Variants in EPC2 observed in about 807,000 individuals in gnomAD.
EPC2 encodes enhancer of polycomb homolog 2.
A neutral mutation model predicts 92.1 loss-of-function variants in EPC2; 14 were observed. That is an observed-to-expected ratio of 0.15 (90% CI 0.10 to 0.24). The LOEUF (loss-of-function observed/expected upper bound fraction) is 0.24. Among genes scored for constraint, EPC2 ranks in the 10% least tolerant of loss-of-function variants. EPC2 has a pLI of 1.00. For missense variants in EPC2, 755 were observed against 971.5 expected (o/e 0.78, Z 2.96); for synonymous variants, 340 against 334.7 (o/e 1.02, Z -0.17).
Position 148,754,476 on chromosome 2 carries a change from A to C in EPC2, c.666+343A>C, listed in dbSNP as rs1414336053. 2.0e-5 allele frequency among the ~76,000 whole-genome samples: 3 copies of C among 152,258 alleles called. No homozygotes were observed. The East Asian group carries it at 5.8e-4, about 29-fold the overall frequency. On this transcript the variant is annotated intron_variant, in intron 4 of 13. Transcript: ENST00000258484. The stretch of plus-strand genomic sequence containing the variant: ...GTCCTTATGCACCTTGGAAGTTTTG[A>C]TCTCTTCAGTAAACTAAATATTCTA...
chr2:148,715,959 C>A (rs1169366307), intron 2 of EPC2, among the ~76,000 whole-genome samples: 1 of 152,074 alleles, frequency 6.6e-6, no homozygotes, highest in African/African-American at 2.4e-5. Flanking sequence ...AGCTGTATTT[C>A]CAGGTATTTT....
At position 148,726,487 on chromosome 2, in the gene EPC2, G is replaced by GAT. The variant is rs926870616; in HGVS notation, c.314-17133_314-17132dup. Among the ~76,000 whole-genome samples, 27 of 152,194 alleles carry GAT rather than the reference G, an allele frequency of 1.8e-4. 1 individual carries two copies. The highest frequency in any genetic ancestry group is 6.3e-4 in the African/African-American group (26 of 41,558). On this transcript the variant is annotated intron_variant, in intron 2 of 13. Transcript: ENST00000258484. ...AACATGTGTAATTTTCTGTTAGTTT[G>GAT]ATAGTGGCCATCCTAACAGGTAGGA...
At chr2:148,700,385 G>C (rs1681847481) in intron 2 of EPC2, among the ~76,000 whole-genome samples, 1 of 151,726 alleles carries the variant, frequency 6.6e-6, no homozygotes, top group Non-Finnish European at 1.5e-5. Context: ...GATCCATTTT[G>C]AGTTAATTTT....
intron 11 of EPC2, among the ~76,000 whole-genome samples, chr2:148,783,237 G>C (rs1266342349): frequency 6.6e-6 from 1 of 152,144 alleles, no homozygotes; most frequent in Non-Finnish European, 1.5e-5. Context: ...GGCCAAGATA[G>C]GTTTTCACAT....
chr2:148,714,973 AT>A (rs1268843541), intron 2 of EPC2, among the ~76,000 whole-genome samples: 1 of 149,074 alleles, frequency 6.7e-6, no homozygotes, highest in Non-Finnish European at 1.5e-5. Context: ...TTGTCATGAA[AT>A]CTTCGCCCAT....
intron 2 of EPC2, among the ~76,000 whole-genome samples, chr2:148,690,896 C>T (rs764697034): frequency 6.6e-6 from 1 of 152,204 alleles, no homozygotes; most frequent in Non-Finnish European, 1.5e-5. Flanking sequence ...CTCCTGACCT[C>T]AGTTGATCCA....
chr2:148,664,791 A>C (rs1450125581), intron 1 of EPC2, among the ~76,000 whole-genome samples: 1 of 152,166 alleles, frequency 6.6e-6, no homozygotes, highest in East Asian at 1.9e-4. Flanking sequence ...TTTGTTTTAG[A>C]TTAATACATA....
intron 1 of EPC2, among the ~76,000 whole-genome samples, chr2:148,649,274 T>C (rs540561451): frequency 6.6e-6 from 1 of 152,322 alleles, no homozygotes; most frequent in Admixed American, 6.5e-5. Flanking sequence ...GACAAATGCA[T>C]ACAAACATGA....
chr2:148,721,328 GT>G (rs201992446), intron 2 of EPC2, among the ~76,000 whole-genome samples: 3,953 of 145,256 alleles, frequency 0.027, 59 homozygotes, highest in East Asian at 0.033. Context: ...AGGTTGTTGG[GT>G]TTTTTTTTTT....
chr2:148,775,647 ATCT>A (rs374251043), intron 10 of EPC2, among the ~76,000 whole-genome samples: 6 of 2,126 alleles, frequency 2.8e-3, no homozygotes, highest in Non-Finnish European at 8.2e-3. Context: ...ATTAAATAAA[ATCT>A]TTAAATAAAA....
intron 1 of EPC2, among the ~76,000 whole-genome samples, chr2:148,675,120 A>G (rs1229867974): frequency 6.6e-6 from 1 of 152,102 alleles, no homozygotes; most frequent in Non-Finnish European, 1.5e-5. Flanking sequence ...TGGGTATTTG[A>G]CCAGCTTTAT....
chr2:148,660,997 C>A (rs769901055), intron 1 of EPC2, among the ~76,000 whole-genome samples: 30 of 152,056 alleles, frequency 2.0e-4, no homozygotes, highest in Non-Finnish European at 4.3e-4. Context: ...TCTGGTAGAG[C>A]TAGTCACTTC....
intron 1 of EPC2, among the ~76,000 whole-genome samples, chr2:148,647,559 G>A (rs1441997389): frequency 2.7e-5 from 4 of 150,868 alleles, no homozygotes; most frequent in Non-Finnish European, 5.9e-5. Context: ...CACCCGCCTC[G>A]GCCTCCCAAA....
chr2:148,738,156 T>G (rs1199284056), intron 2 of EPC2, among the ~76,000 whole-genome samples: 1 of 152,206 alleles, frequency 6.6e-6, no homozygotes, highest in African/African-American at 2.4e-5. Context: ...AAAACTCCTT[T>G]GCTTTTGTTT....
chr2:148,755,840 C>T (rs1574624846), intron 4 of EPC2, among the ~76,000 whole-genome samples: 1 of 152,226 alleles, frequency 6.6e-6, no homozygotes, highest in Non-Finnish European at 1.5e-5. Context: ...TGTCCTCCCG[C>T]CTTGGCCTCC....
At chr2:148,777,570 C>T (rs889899016) in intron 10 of EPC2, among the ~76,000 whole-genome samples, 2 of 152,026 alleles carry the variant, frequency 1.3e-5, no homozygotes, top group East Asian at 1.9e-4. Flanking sequence ...TCAAGAATAC[C>T]TGTGGGCACA....
At chr2:148,713,570 C>T (rs1278642326) in intron 2 of EPC2, among the ~76,000 whole-genome samples, 1 of 151,998 alleles carries the variant, frequency 6.6e-6, no homozygotes, top group Non-Finnish European at 1.5e-5. Flanking sequence ...GTGTAATGTC[C>T]TAAGCCTTTG....
At chr2:148,683,498 T>TC (rs1681453930) in intron 1 of EPC2, among the ~76,000 whole-genome samples, 1 of 152,074 alleles carries the variant, frequency 6.6e-6, no homozygotes, top group African/African-American at 2.4e-5. Context: ...GATCTCCTGA[T>TC]CTCGTGATCC....
At chr2:148,680,731 A>C (rs1387604904) in intron 1 of EPC2, among the ~76,000 whole-genome samples, 1 of 152,234 alleles carries the variant, frequency 6.6e-6, no homozygotes, top group Non-Finnish European at 1.5e-5. Context: ...GAATCTGATG[A>C]AGAAAATGGA....
Sources: gnomAD v4.1 joint callset for allele counts (sites outside exome capture counted in the v4.1 genomes callset) on GRCh38, gnomAD v4.1.1 for gene constraint, MANE v1.5 for transcripts, NCBI Gene and HGNC (gene_info 2026-07-23, HGNC 2026-07-21) for gene names.